The following TMC5 variants were observed in gnomAD, a reference collection of about 807,000 sequenced individuals.
TMC5 encodes the protein transmembrane channel like 5.
Under a neutral mutation model 110.5 loss-of-function variants are expected in TMC5, and 86 were observed. The ratio of observed to expected loss-of-function variants is 0.78; its 90% CI spans 0.65 to 0.93. The LOEUF is 0.93. Ranked by LOEUF, TMC5 falls within the 40% of genes least tolerant of loss-of-function variation. The probability of loss-of-function intolerance (pLI) is 0.00; values close to 1 mark genes in which losing one functional copy is unlikely to be tolerated. For missense variants in TMC5, 1,144 were observed against 1,222.8 expected, an observed-to-expected ratio of 0.94 and a Z score of 0.96; for synonymous variants, 455 against 439.5, an observed-to-expected ratio of 1.04 and a Z score of -0.44.
chr16:19,453,642 C>T (rs987129289), intron 5 of TMC5, among the ~76,000 whole-genome samples: 1 of 151,570 alleles, frequency 6.6e-6, no homozygotes, highest in Admixed American at 6.6e-5. Context: ...GTGGCGTGCA[C>T]CTGCAGTGCC....
At chr16:19,465,057 TTTCCTTCCTTCCTTCCTTCCTTCC>T (rs199826537) in intron 8 of TMC5, among the ~76,000 whole-genome samples, 2 of 110,914 alleles carry the variant, frequency 1.8e-5, no homozygotes, top group East Asian at 4.5e-4. Context: ...CTTTCTTTCT[TTTCCTTCCTTCCTTCCTTCCTTCC>T]TTCCTTCCTT....
chr16:19,421,815 G>T (rs1966988639), intron 1 of TMC5, among the ~76,000 whole-genome samples: 1 of 152,248 alleles, frequency 6.6e-6, no homozygotes, highest in South Asian at 2.1e-4. Flanking sequence ...GCCAGGTGTG[G>T]TTGGCATACA....
In TMC5 at chr16:19,440,710, C is replaced by T. The variant is rs1370154954; in HGVS notation, c.672C>T (p.Asp224=). ...CTCCACCCTTTTTTGGGGAGCCAGA[C>T]TATCCCAGTGCTGAGGACAATCAGA... is the stretch of plus-strand genomic sequence containing the variant. The part of the protein sequence containing the change: ...PNSPPFFGEP[D]YPSAEDNQNL... Residue 224 remains aspartate, a synonymous_variant, in exon 3 of 22, where the codon GAC becomes GAT. Coordinates refer to ENST00000542583, the MANE Select transcript of TMC5 (RefSeq NM_001261841.2). The T allele has an allele frequency of 6.8e-6, 11 of 1,614,106 alleles. No individual in the cohort carries two copies. Among genetic ancestry groups the T allele is most frequent in the Admixed American group, 1.7e-5 (1 of 60,006 alleles).
intron 6 of TMC5, chr16:19,462,471 A>G: frequency 2.9e-6 from 2 of 699,488 alleles, no homozygotes; most frequent in Non-Finnish European, 5.2e-6. Context: ...TTATAAAGGA[A>G]AGAGGTTTAA....
chr16:19,463,450 T>A, intron 7 of TMC5, 83 bp downstream of exon 7: 1 of 1,178,420 alleles, frequency 8.5e-7, no homozygotes, highest in Admixed American at 1.7e-5. Context: ...AGGGGGAAGA[T>A]GAACCAAAAA....
intron 2 of TMC5, among the ~76,000 whole-genome samples, chr16:19,437,984 T>C (rs535500867): frequency 1.4e-4 from 22 of 152,314 alleles, no homozygotes; most frequent in African/African-American, 5.1e-4. Context: ...ACCTGAGTCA[T>C]GTGACCATCC....
chr16:19,460,117 A>T lies in TMC5; in HGVS notation c.1049-118A>T, dbSNP rs902937734. On this transcript the variant is annotated intron_variant, in intron 5 of 21. Transcript: ENST00000542583. ...GTTGTTTTCCTTTGTGATCTTTGAG[A>T]TCCCCAACTCCATAAACTTCTTCCC... The T allele has an allele frequency of 6.5e-6, 4 of 612,132 alleles. No individual in the cohort carries two copies. The African/African-American group carries it at 7.5e-5, about 11-fold the overall frequency. The allele number at this position is 612,132 out of a possible 1,614,324, so 37.9% of individuals were successfully genotyped here.
At chr16:19,455,931 G>A (rs1185349685) in intron 5 of TMC5, among the ~76,000 whole-genome samples, 1 of 152,156 alleles carries the variant, frequency 6.6e-6, no homozygotes, top group Non-Finnish European at 1.5e-5. Flanking sequence ...AGTTCAGCCA[G>A]GTGCTGTGTC....
intron 19 of TMC5, among the ~76,000 whole-genome samples, chr16:19,493,087 G>A (rs1324333425): frequency 6.6e-6 from 1 of 150,722 alleles, no homozygotes; most frequent in Non-Finnish European, 1.5e-5. Context: ...TCAGCTTCCC[G>A]CATAGCTGGA....
chr16:19,412,077 ATT>A (rs368948373), intron 1 of TMC5, among the ~76,000 whole-genome samples: 1 of 146,616 alleles, frequency 6.8e-6, no homozygotes, highest in African/African-American at 2.5e-5. Flanking sequence ...TTTTTGTGGG[ATT>A]TTTTTTTTTT....
intron 6 of TMC5, 135 bp from the exon 7 acceptor site, chr16:19,463,145 C>G: frequency 1.5e-6 from 1 of 688,534 alleles, no homozygotes; most frequent in East Asian, 2.7e-5. Context: ...TGGTCTTGAA[C>G]TCCTGGCCTC....
rs1400781963 is a variant in TMC5, at chr16:19,487,204, G to A, written c.2451G>A (p.Met817Ile). 6.2e-7 allele frequency: 1 copy of A among 1,612,926 alleles called. No homozygotes were observed. Among genetic ancestry groups the A allele is most frequent in the East Asian group, 2.2e-5 (1 of 44,858 alleles). ...IMFYSKNISLMMNFQPPSKAW... is the reference protein window; with the variant it reads ...IMFYSKNISLIMNFQPPSKAW... ...CTCTCTCTCTTCAGATCAGCCTGATGATGAATTTCCAGCCTCCGAGCAAAG... is the reference window on the plus strand; with the variant it reads ...CTCTCTCTCTTCAGATCAGCCTGATAATGAATTTCCAGCCTCCGAGCAAAG... Residue 817 changes from methionine (M) to isoleucine (I), a missense_variant, in exon 17 of 22, where the codon ATG becomes ATA. Met to Ile is a conservative substitution (Grantham distance 10). Coordinates refer to ENST00000542583, the MANE Select transcript of TMC5 (RefSeq NM_001261841.2).
Position 19,494,380 on chromosome 16 carries a change from C to G in TMC5, c.2931+14C>G. Reference sequence around the variant, plus strand: ...AGAGAGGTGGAGGTGAGTCTGGAGGCTGCCTTGGGGACCCCTGGGACACGA... The same window carrying G: ...AGAGAGGTGGAGGTGAGTCTGGAGGGTGCCTTGGGGACCCCTGGGACACGA... On this transcript the variant is annotated intron_variant, in intron 20 of 21. Transcript: ENST00000542583. 11 of 1,605,378 alleles carry G rather than the reference C, an allele frequency of 6.9e-6. No individual in the cohort carries two copies. The highest frequency in any genetic ancestry group is 9.4e-6 in the Non-Finnish European group (11 of 1,173,942).
chr16:19,481,544 A>T (rs1001510788), intron 15 of TMC5, 79 bp downstream of exon 15: 37 of 1,074,196 alleles, frequency 3.4e-5, no homozygotes, highest in Non-Finnish European at 4.2e-5. Flanking sequence ...AAAGTCCCAG[A>T]ATCTGTTGTT....
intron 8 of TMC5, among the ~76,000 whole-genome samples, chr16:19,464,855 C>G (rs991889183): frequency 6.7e-6 from 1 of 149,764 alleles, no homozygotes; most frequent in African/African-American, 2.5e-5. Flanking sequence ...TTTTTTTCTT[C>G]CTGTACAAAC....
Position 19,444,079 on chromosome 16 carries a change from A to G in TMC5, c.789-2A>G. ...ATAGTGATCCATCATTTTGGATTTTAGGGTGCTCAGCAGAACATCTTCAAT... is the reference window on the plus strand; with the variant it reads ...ATAGTGATCCATCATTTTGGATTTTGGGGTGCTCAGCAGAACATCTTCAAT... On this transcript the variant is annotated splice_acceptor_variant, in intron 3 of 21. Coordinates refer to ENST00000542583, the MANE Select transcript of TMC5 (RefSeq NM_001261841.2). LOFTEE classifies it high-confidence loss of function. 1 of 1,613,000 alleles carries G rather than the reference A, an allele frequency of 6.2e-7. No individual in the cohort carries two copies. The highest frequency in any genetic ancestry group is 8.5e-7 in the Non-Finnish European group (1 of 1,179,340).
chr16:19,492,162 T>A lies in TMC5; in HGVS notation c.2760T>A (p.Tyr920Ter). The change falls in exon 19 of 22, where the codon TAT becomes TAA. Residue 920 changes from tyrosine (Y) to a stop codon, truncating the protein, a stop_gained. Transcript: ENST00000542583. LOFTEE classifies it high-confidence loss of function. ...TCTCCTCTTCCAGAATCATCACCTA[T>A]CTTTACTGGCAGATCACAGAGGGAA... ...ILTLIVLIIT[Y>*]LYWQITEGRK... The A allele has an allele frequency of 1.2e-6, 2 of 1,612,532 alleles. No individual in the cohort carries two copies. The highest frequency in any genetic ancestry group is 1.7e-6 in the Non-Finnish European group (2 of 1,178,784).
At chr16:19,481,750 A>C (rs747180218) in intron 15 of TMC5, among the ~76,000 whole-genome samples, 1 of 152,230 alleles carries the variant, frequency 6.6e-6, no homozygotes, top group African/African-American at 2.4e-5. Flanking sequence ...AATATGAATT[A>C]ACCACTGCTA....
chr16:19,464,042 C>T lies in TMC5; in HGVS notation c.1485+18C>T, dbSNP rs1567313969. ...CTGGGGTGGTAAGTCCTCCACTTCC[C>T]CTACCCCAAGTGCACCAATCACCTC... On this transcript the variant is annotated intron_variant, in intron 8 of 21. Coordinates refer to ENST00000542583, the MANE Select transcript of TMC5 (RefSeq NM_001261841.2). The T allele has an allele frequency of 1.2e-6, 2 of 1,611,072 alleles. No homozygotes were observed. Among genetic ancestry groups the T allele is most frequent in the Non-Finnish European group, 8.5e-7 (1 of 1,178,444 alleles).
Sources: gnomAD v4.1 joint callset for allele counts (sites outside exome capture counted in the v4.1 genomes callset) on GRCh38, gnomAD v4.1.1 for gene constraint, MANE v1.5 for transcripts, NCBI Gene and HGNC (gene_info 2026-07-23, HGNC 2026-07-21) for gene names.